The following CENPT variants were observed in gnomAD, a reference collection of about 807,000 sequenced individuals.
CENPT encodes interphase centromere complex protein 22.
Under a neutral mutation model 59.7 loss-of-function variants are expected in CENPT, and 42 were observed. The observed-to-expected ratio is 0.70, with a 90% confidence interval of 0.55 to 0.91. CENPT has a LOEUF of 0.91. CENPT is among the 40% of genes least tolerant of loss of function. The pLI is 0.00. For synonymous variants in CENPT, 295 were observed against 289.6 expected, an observed-to-expected ratio of 1.02 and a Z score of -0.19; for missense variants, 716 against 713.4, an observed-to-expected ratio of 1.00 and a Z score of -0.04.
chr16:67,830,429 G>C lies in CENPT; in HGVS notation c.823C>G (p.Arg275Gly). The change falls in exon 11 of 16, where the codon CGC becomes GGC. Residue 275 changes from arginine (R) to glycine (G), a missense_variant. By Grantham distance (125) the Arg-to-Gly change is moderately radical (BLOSUM62 -2). Transcript: ENST00000562787. ...GAEDAEQAAG[R>G]KTQSSGPGLQ... ...CCAGGCCCACTGCTCTGTGTCTTGC[G>C]ACCGGCAGCCTGCTCAGCGTCTTCA... The C allele has an allele frequency of 6.2e-7, 1 of 1,614,004 alleles. No homozygotes were observed. Among genetic ancestry groups the C allele is most frequent in the South Asian group, 1.1e-5 (1 of 91,074 alleles).
intron 9 of CENPT, 96 bp from the exon 10 acceptor site, chr16:67,831,454 A>G: frequency 6.4e-7 from 1 of 1,573,826 alleles, no homozygotes; most frequent in Non-Finnish European, 8.7e-7. Flanking sequence ...ATCTCTTAGA[A>G]CAGATGCTGT....
chr16:67,836,047 GTTTTGT>G (rs1397422746), intron 1 of CENPT, among the ~76,000 whole-genome samples: 7 of 146,776 alleles, frequency 4.8e-5, no homozygotes, highest in Non-Finnish European at 9.0e-5. Context: ...CTGGTCTGCA[GTTTTGT>G]TTTTGTTTTT....
In CENPT at chr16:67,831,232, A is replaced by G; in HGVS notation, c.687T>C (p.Thr229=). Residue 229 remains threonine (T), a synonymous_variant, in exon 10 of 16, where the codon ACT becomes ACC. Transcript: ENST00000562787. ...CAACCTTACTTGGAGGAGCCAGGGA[A>G]GTATCTCGCAGATCCCGCAAAAAGG... is the stretch of plus-strand genomic sequence containing the variant. The part of the protein sequence containing the change: ...VGAFLRDLRD[T]SLAPPNIVLE... The G allele has an allele frequency of 6.2e-7, 1 of 1,614,112 alleles. No homozygotes were observed. Among genetic ancestry groups the G allele is most frequent in the South Asian group, 1.1e-5 (1 of 91,082 alleles).
rs753772272 is a variant in CENPT at position 67,843,039 on chromosome 16, C to G, written c.-492+4362G>C. ...GCGGCCGTGCTTCTCACCCTTCAGG[C>G]CACTGTAGACAGCAGTCAGGCTCCG... is the stretch of plus-strand genomic sequence containing the variant. On this transcript the variant is annotated intron_variant, in intron 1 of 15. Transcript: ENST00000562787. The surrounding 1 kb of genome is among the most constrained non-coding windows in gnomAD (Gnocchi z 5.7). 1 of 1,612,452 alleles carries G rather than the reference C, an allele frequency of 6.2e-7. No homozygotes were observed. The highest frequency in any genetic ancestry group is 8.5e-7 in the Non-Finnish European group (1 of 1,180,038).
intron 1 of CENPT, among the ~76,000 whole-genome samples, chr16:67,846,405 G>A (rs1401060060): frequency 3.3e-5 from 5 of 152,266 alleles, no homozygotes; most frequent in Admixed American, 1.3e-4. Flanking sequence ...GACTCGCCGA[G>A]GTGCAGGCGC....
In CENPT at chr16:67,833,824, C is replaced by T. The variant is rs1034409472; in HGVS notation, c.36G>A (p.Pro12=). Residue 12 remains proline, a synonymous_variant, in exon 4 of 16, where the codon CCG becomes CCA. Transcript: ENST00000562787. ...ADHNPDSDST[P]RTLLRRVLDT... is the part of the protein sequence containing the mutation. ...CCAGCACGCGTCGCAGCAGCGTGCG[C>T]GGCGTGGAGTCGCTGTCAGGGTTGT... 1 of 1,574,170 alleles carries T rather than the reference C, an allele frequency of 6.4e-7. No homozygotes were observed. Among genetic ancestry groups the T allele is most frequent in the Non-Finnish European group, 8.6e-7 (1 of 1,162,442 alleles).
chr16:67,831,954 A>G, intron 7 of CENPT, 58 bp downstream of exon 7: 3 of 1,589,344 alleles, frequency 1.9e-6, no homozygotes, highest in Non-Finnish European at 2.6e-6. Context: ...GCAACCCCCA[A>G]GAAACTCCCG....
rs754326743 is a variant in CENPT, at chr16:67,842,862, GGCAGCAGCA to G, written c.-492+4530_-492+4538del. On this transcript the variant is annotated intron_variant, in intron 1 of 15. Transcript: ENST00000562787. This position sits in a 1 kb window ranked among gnomAD's most constrained non-coding sequence, Gnocchi z 4.9. ...GCTGGGGCCGCGGCCGCCCGCCGCA[GGCAGCAGCA>G]GCAACAGCAGCAGCAGCAGCAACAG... The G allele has an allele frequency of 8.5e-5, 137 of 1,608,038 alleles. No individual in the cohort carries two copies. In the African/African-American group the frequency reaches 1.4e-3, roughly 17 times the overall value.
intron 13 of CENPT, 149 bp from the exon 14 acceptor site, chr16:67,828,992 T>C (rs1388553324): frequency 1.1e-5 from 8 of 722,460 alleles, no homozygotes; most frequent in Non-Finnish European, 1.7e-5. Flanking sequence ...TGAGGGGCAG[T>C]TGGGTCAGGG....
chr16:67,834,048 CG>C lies in CENPT; in HGVS notation c.-190del. 1 of 485,362 alleles carries C rather than the reference CG, an allele frequency of 2.1e-6. No homozygotes were observed. Among genetic ancestry groups the C allele is most frequent in the Non-Finnish European group, 3.6e-6 (1 of 274,734 alleles). The allele number at this position is 485,362 out of a possible 1,614,324, so 30.1% of individuals were successfully genotyped here. The stretch of plus-strand genomic sequence containing the variant: ...GGATGCTTTGGAGGCAGCCTCGCTG[CG>C]GGTAAACCTCGGTTAATGTAATGCA... On this transcript the variant is annotated 5_prime_UTR_variant, in exon 4 of 16. Coordinates refer to ENST00000562787, the MANE Select transcript of CENPT (RefSeq NM_025082.4).
intron 1 of CENPT, among the ~76,000 whole-genome samples, chr16:67,835,933 A>G (rs1236695525): frequency 6.6e-6 from 1 of 150,782 alleles, no homozygotes; most frequent in Non-Finnish European, 1.5e-5. Flanking sequence ...ATTTTTGTAT[A>G]GAGACGGGGT....
chr16:67,837,504 C>T (rs1388462274), intron 1 of CENPT, among the ~76,000 whole-genome samples: 1 of 151,878 alleles, frequency 6.6e-6, no homozygotes, highest in Non-Finnish European at 1.5e-5. Flanking sequence ...GTCAGGAGTT[C>T]AAGACCAGCC....
In CENPT at chr16:67,831,350, T is replaced by C. The variant is rs777605471; in HGVS notation, c.569A>G (p.Asn190Ser). ...ADASSLTRSL[N>S]LTFATPLQPQ... ...CTGAAGAGGTGTGGCAAAGGTCAGGTTGAGGGATCTGGTGAGGTGGGGAGG... is the reference window on the plus strand; with the variant it reads ...CTGAAGAGGTGTGGCAAAGGTCAGGCTGAGGGATCTGGTGAGGTGGGGAGG... Residue 190 changes from asparagine (N) to serine (S), a missense_variant, in exon 10 of 16, where the codon AAC (asparagine) becomes AGC (serine). Physicochemically the swap from Asn to Ser is conservative, Grantham distance 46. Transcript: ENST00000562787. 16 of 1,613,496 alleles carry C rather than the reference T, an allele frequency of 9.9e-6. No homozygotes were observed. Among genetic ancestry groups the C allele is most frequent in the African/African-American group, 1.3e-5 (1 of 74,882 alleles).
rs2057799982 is a variant in CENPT, at chr16:67,846,521, CGTGAGCG to C, written c.-492+873_-492+879del. Among the ~76,000 whole-genome samples, 9 of 152,356 alleles carry C rather than the reference CGTGAGCG, an allele frequency of 5.9e-5. No individual in the cohort carries two copies. The East Asian group carries it at 1.7e-3, about 29-fold the overall frequency. ...CCATAGCCCCAAGGGGAGGGGGTTTCGTGAGCGGAAACGGCCCAGGGGCCCAGGGAGG... is the reference window on the plus strand; with the variant it reads ...CCATAGCCCCAAGGGGAGGGGGTTTCGAAACGGCCCAGGGGCCCAGGGAGG... On this transcript the variant is annotated intron_variant, in intron 1 of 15. Transcript: ENST00000562787.
chr16:67,828,305 A>G lies in CENPT; in HGVS notation c.1648T>C (p.Cys550Arg), dbSNP rs1322733902. 1 of 1,608,138 alleles carries G rather than the reference A, an allele frequency of 6.2e-7. No homozygotes were observed. The highest frequency in any genetic ancestry group is 1.1e-5 in the South Asian group (1 of 90,690). The change falls in exon 16 of 16, where the codon TGT becomes CGT. Residue 550 changes from cysteine (C) to arginine (R), a missense_variant. Cys to Arg is a radical substitution (Grantham distance 180, BLOSUM62 -3). Transcript: ENST00000562787. ...AAGACAGAGTTGCCACTGTATGCAC[A>G]GGGGATGAGCAGCTGCCGGTACTCC... ...PLEYRQLLIP[C>R]AYSGNSVFPA... is the part of the protein sequence containing the mutation.
chr16:67,843,589 C>T lies in CENPT; in HGVS notation c.-492+3812G>A. 7.4e-7 allele frequency: 1 copy of T among 1,343,838 alleles called. No individual in the cohort carries two copies. The highest frequency in any genetic ancestry group is 1.0e-6 in the Non-Finnish European group (1 of 985,494). The allele number at this position is 1,343,838 out of a possible 1,614,324, so 83.2% of individuals were successfully genotyped here. A position where few individuals can be genotyped will look rare whatever the true frequency, so the allele number is the denominator to read the frequency against. On this transcript the variant is annotated intron_variant, in intron 1 of 15. Coordinates refer to ENST00000562787, the MANE Select transcript of CENPT (RefSeq NM_025082.4). This position sits in a 1 kb window ranked among gnomAD's most constrained non-coding sequence, Gnocchi z 5.7. Reference sequence around the variant, plus strand: ...TTGAACTCCTCTATACTCCTGGGCACTGGTTGACAGTACTGAGGCTTAAGG... The same window carrying T: ...TTGAACTCCTCTATACTCCTGGGCATTGGTTGACAGTACTGAGGCTTAAGG...
At chr16:67,830,689 T>C in intron 10 of CENPT, 141 bp from the exon 11 acceptor site, 1 of 793,812 alleles carries the variant, frequency 1.3e-6, no homozygotes, top group Non-Finnish European at 2.0e-6. Flanking sequence ...CCACCCTGAG[T>C]GGCCTTCAGA....
intron 9 of CENPT, 32 bp downstream of exon 9, chr16:67,831,544 A>T (rs997486445): frequency 3.7e-6 from 6 of 1,612,596 alleles, no homozygotes; most frequent in Non-Finnish European, 5.1e-6. Flanking sequence ...TCCTCCACCC[A>T]CTCCCAGAAC....
intron 1 of CENPT, chr16:67,847,095 C>G (rs904479667): frequency 3.3e-5 from 5 of 150,134 alleles, no homozygotes; most frequent in South Asian, 2.1e-4. Flanking sequence ...CCCTCCCCCC[C>G]CCCCGGCGGC....
Sources: allele counts gnomAD v4.1 joint callset (sites outside exome capture counted in the v4.1 genomes callset), GRCh38; gene constraint gnomAD v4.1.1; non-coding constraint Gnocchi (gnomAD v3.1); transcripts MANE v1.5; gene names NCBI Gene and HGNC (gene_info 2026-07-23, HGNC 2026-07-21).